Variants in CDH18 observed in about 807,000 individuals in gnomAD.
CDH18 encodes cadherin 18, also known as cadherin-18.
A neutral mutation model predicts 67.9 loss-of-function variants in CDH18; 31 were observed. The ratio of observed to expected loss-of-function variants is 0.46; its 90% CI spans 0.34 to 0.62. CDH18 has a LOEUF of 0.62. Ranked by LOEUF, CDH18 falls within the 20% of genes least tolerant of loss-of-function variation. CDH18 has a pLI of 0.01. For missense variants in CDH18, 890 were observed against 975.5 expected (o/e 0.91, Z 1.17); for synonymous variants, 362 against 347.2 (o/e 1.04, Z -0.48).
chr5:20,566,664 T>C (rs1758533065), intron 1 of CDH18, among the ~76,000 whole-genome samples: 2 of 151,606 alleles, frequency 1.3e-5, no homozygotes, highest in Admixed American at 6.6e-5. Flanking sequence ...TGTGAGCCAC[T>C]GCACCCAGCC....
chr5:19,990,964 A>G (rs923567352), upstream of CDH18, among the ~76,000 whole-genome samples: 15 of 152,204 alleles, frequency 9.9e-5, no homozygotes, highest in African/African-American at 3.6e-4. Context: ...GAAAGCATGG[A>G]CATTTCTGAT....
intron 8 of CDH18, among the ~76,000 whole-genome samples, chr5:19,566,372 G>T (rs900819832): frequency 1.3e-5 from 2 of 152,150 alleles, no homozygotes; most frequent in African/African-American, 4.8e-5. Flanking sequence ...CTGCTGCTAT[G>T]TTTATATGAA....
At chr5:20,469,936 A>C (rs1166578695) in intron 1 of CDH18, among the ~76,000 whole-genome samples, 1 of 152,134 alleles carries the variant, frequency 6.6e-6, no homozygotes, top group Non-Finnish European at 1.5e-5. Flanking sequence ...TTCCTGAACT[A>C]CTGTGGACTT....
intron 2 of CDH18, among the ~76,000 whole-genome samples, chr5:20,104,913 T>G (rs1746798410): frequency 6.6e-6 from 1 of 152,170 alleles, no homozygotes; most frequent in Admixed American, 6.5e-5. Context: ...TTGAATTTCC[T>G]CAGGATTTAT....
intron 5 of CDH18, among the ~76,000 whole-genome samples, chr5:19,648,276 G>A (rs1293323620): frequency 6.6e-6 from 1 of 151,678 alleles, no homozygotes; most frequent in Non-Finnish European, 1.5e-5. Context: ...TTAGCCTGAT[G>A]TGGTGGCGCC....
intron 10 of CDH18, among the ~76,000 whole-genome samples, chr5:19,503,602 C>T (rs1274180156): frequency 2.6e-5 from 4 of 151,900 alleles, no homozygotes; most frequent in African/African-American, 4.8e-5. Flanking sequence ...ATGTTACAGA[C>T]GAGGAGCCTG....
chr5:19,811,128 A>G (rs550185040), intron 3 of CDH18, among the ~76,000 whole-genome samples: 4 of 126,068 alleles, frequency 3.2e-5, no homozygotes, highest in African/African-American at 1.2e-4. Flanking sequence ...GAAAGAAAGA[A>G]AGAAAGAAAG....
chr5:20,015,854 T>C (rs577917925), intron 2 of CDH18, among the ~76,000 whole-genome samples: 2 of 152,238 alleles, frequency 1.3e-5, no homozygotes, highest in South Asian at 4.1e-4. Context: ...GCAAATTAGT[T>C]GGTATAGGTA....
chr5:20,501,556 AATATATATATATAATATATATATAT>A lies in CDH18; in HGVS notation c.-580+73881_-580+73905del, dbSNP rs1561069140. On this transcript the variant is annotated intron_variant, in intron 1 of 14. Transcript: ENST00000507958. ...TATATTATATACATATTATATATAT[AATATATATATATAATATATATATAT>A]TATATATATATATTATATATATATA... Among the ~76,000 whole-genome samples the A allele has an allele frequency of 6.8e-3, 396 of 58,410 alleles. 24 individuals are homozygous for A. Among genetic ancestry groups the A allele is most frequent in the African/African-American group, 0.036 (364 of 10,112 alleles). 38.3% of individuals were successfully genotyped at this position (58,410 alleles called of 152,430 possible).
intron 2 of CDH18, among the ~76,000 whole-genome samples, chr5:20,116,073 G>A (rs1304369779): frequency 6.6e-6 from 1 of 152,148 alleles, no homozygotes; most frequent in Non-Finnish European, 1.5e-5. Flanking sequence ...TTTCTTAGAA[G>A]AGAAAATGAT....
intron 1 of CDH18, among the ~76,000 whole-genome samples, chr5:20,318,709 C>A (rs1319036841): frequency 1.3e-5 from 2 of 152,220 alleles, no homozygotes; most frequent in East Asian, 3.9e-4. Flanking sequence ...ACGATGGTGA[C>A]ATGTTTTATT....
intron 3 of CDH18, among the ~76,000 whole-genome samples, chr5:19,825,076 C>T (rs1039929966): frequency 7.2e-5 from 11 of 152,026 alleles, no homozygotes; most frequent in Middle Eastern, 3.4e-3. Flanking sequence ...GATAGCAGGG[C>T]AAGTGACCTC....
intron 2 of CDH18, among the ~76,000 whole-genome samples, chr5:19,969,595 C>CA (rs1358224127): frequency 6.7e-6 from 1 of 149,464 alleles, no homozygotes; most frequent in Non-Finnish European, 1.5e-5. Flanking sequence ...ATCACAAGGA[C>CA]AAAAAACCAA....
intron 5 of CDH18, among the ~76,000 whole-genome samples, chr5:19,642,178 AATAG>A: frequency 6.6e-6 from 1 of 152,128 alleles, no homozygotes; most frequent in African/African-American, 2.4e-5. Flanking sequence ...AAGGAAATTA[AATAG>A]ATAGATAAAT....
chr5:20,162,026 T>C (rs1735927647), intron 2 of CDH18, among the ~76,000 whole-genome samples: 1 of 152,140 alleles, frequency 6.6e-6, no homozygotes, highest in Admixed American at 6.6e-5. Context: ...TGTGGCCCTA[T>C]ATTTAATGCA....
chr5:20,165,898 A>C (rs971936968), intron 2 of CDH18, among the ~76,000 whole-genome samples: 2 of 152,098 alleles, frequency 1.3e-5, no homozygotes, highest in African/African-American at 4.8e-5. Flanking sequence ...ATTTTTTCAC[A>C]ATACAATTTT....
intron 1 of CDH18, among the ~76,000 whole-genome samples, chr5:20,306,457 G>A (rs971043523): frequency 1.2e-4 from 18 of 151,950 alleles, no homozygotes; most frequent in African/African-American, 3.6e-4. Context: ...TTTTGTCTCC[G>A]TAATCTACCA....
At chr5:19,791,166 ATCTT>A (rs920968937) in intron 3 of CDH18, among the ~76,000 whole-genome samples, 4 of 152,202 alleles carry the variant, frequency 2.6e-5, no homozygotes, top group African/African-American at 9.6e-5. Flanking sequence ...AGAAACATAA[ATCTT>A]TCAGTCGGCA....
At chr5:19,529,643 C>A (rs1489729114) in intron 9 of CDH18, among the ~76,000 whole-genome samples, 1 of 151,922 alleles carries the variant, frequency 6.6e-6, no homozygotes, top group African/African-American at 2.4e-5. Context: ...TCACAGGATA[C>A]AAGTTCGGTA....
Sources: gnomAD v4.1 joint callset for allele counts (sites outside exome capture counted in the v4.1 genomes callset) on GRCh38, gnomAD v4.1.1 for gene constraint, MANE v1.5 for transcripts, NCBI Gene and HGNC (gene_info 2026-07-23, HGNC 2026-07-21) for gene names.